Variants in LRP6 observed in about 807,000 individuals in gnomAD.
LRP6 encodes low-density lipoprotein receptor-related protein 6.
In LRP6, 43 loss-of-function variants were observed where a neutral mutation model predicts 184.1. The ratio of observed to expected loss-of-function variants is 0.23; its 90% CI spans 0.18 to 0.30. The LOEUF (loss-of-function observed/expected upper bound fraction) is 0.30. Ranked by LOEUF, LRP6 falls within the 10% of genes least tolerant of loss-of-function variation. The probability of loss-of-function intolerance (pLI) is 1.00; values close to 1 mark genes in which losing one functional copy is unlikely to be tolerated. For missense variants in LRP6, 1,571 were observed against 2,005.3 expected, an observed-to-expected ratio of 0.78 and a Z score of 4.14; for synonymous variants, 719 against 684.9, an observed-to-expected ratio of 1.05 and a Z score of -0.78.
At position 12,120,968 on chromosome 12, in the gene LRP6, G is replaced by A. The variant is rs1257354936; in HGVS notation, c.*158C>T. 3.5e-6 allele frequency: 2 copies of A among 566,950 alleles called. No homozygotes were observed. Among genetic ancestry groups the A allele is most frequent in the East Asian group, 2.9e-5 (1 of 34,588 alleles). The allele number at this position is 566,950 out of a possible 1,614,324, so 35.1% of individuals were successfully genotyped here. ...AAATATATAAATATCCTTTTCTTCT[G>A]TACAAATATCTCCAGTATTCCCTAC... is the stretch of plus-strand genomic sequence containing the variant. On this transcript the variant is annotated 3_prime_UTR_variant, in exon 23 of 23. Coordinates refer to ENST00000261349, the MANE Select transcript of LRP6 (RefSeq NM_002336.3).
chr12:12,116,290 G>A lies in LRP6; in HGVS notation c.*4836C>T, dbSNP rs764652773. On this transcript the variant is annotated 3_prime_UTR_variant, in exon 23 of 23. Coordinates refer to ENST00000261349, the MANE Select transcript of LRP6 (RefSeq NM_002336.3). ...CACCAGTTGACTTTAAGACAATGAC[G>A]AAGATTAAAGCTTAAGGGAAAAAAA... is the stretch of plus-strand genomic sequence containing the variant. The A allele has an allele frequency of 1.3e-5, 2 of 152,118 alleles. No homozygotes were observed. The highest frequency in any genetic ancestry group is 6.6e-5 in the Admixed American group (1 of 15,262). 9.4% of individuals were successfully genotyped at this position (152,118 alleles called of 1,614,324 possible). A position where few individuals can be genotyped will look rare whatever the true frequency, so the allele number is the denominator to read the frequency against.
At chr12:12,142,906 C>G (rs991962030) in intron 15 of LRP6, among the ~76,000 whole-genome samples, 4 of 151,986 alleles carry the variant, frequency 2.6e-5, no homozygotes, top group African/African-American at 9.7e-5. Context: ...TAGAAAACAA[C>G]AACAACAAAA....
At chr12:12,141,501 C>T (rs917239916) in intron 15 of LRP6, among the ~76,000 whole-genome samples, 7 of 152,098 alleles carry the variant, frequency 4.6e-5, no homozygotes, top group African/African-American at 1.7e-4. Context: ...GAATTTTAAC[C>T]TTTTATGATG....
At chr12:12,198,117 C>T (rs527670312) in intron 3 of LRP6, among the ~76,000 whole-genome samples, 55 of 152,348 alleles carry the variant, frequency 3.6e-4, no homozygotes, top group East Asian at 7.7e-4. Flanking sequence ...CAGGGTTTCA[C>T]CATGTTGGCC....
chr12:12,203,519 C>T, intron 2 of LRP6, 119 bp from the exon 3 acceptor site: 2 of 802,022 alleles, frequency 2.5e-6, no homozygotes, highest in Admixed American at 4.2e-5. Flanking sequence ...GTAATCCCAG[C>T]ACTCTGGGAG....
chr12:12,212,755 AT>A (rs916912833), intron 2 of LRP6, among the ~76,000 whole-genome samples: 2 of 152,148 alleles, frequency 1.3e-5, no homozygotes, highest in South Asian at 2.1e-4. Context: ...AGAGAATTTT[AT>A]TTTTTTTAAG....
Position 12,197,379 on chromosome 12 carries a change from C to T in LRP6, c.647+5824G>A, listed in dbSNP as rs79325698. ...GGTGGAATGGTTTTTCCCAACACCA[C>T]AATTTGGGTGCTACAGAAGTTCACT... On this transcript the variant is annotated intron_variant, in intron 3 of 22. Coordinates refer to ENST00000261349, the MANE Select transcript of LRP6 (RefSeq NM_002336.3). Among the ~76,000 whole-genome samples, 464 of 152,294 alleles carry T rather than the reference C, an allele frequency of 3.0e-3. 3 individuals are homozygous for T. Among genetic ancestry groups the T allele is most frequent in the African/African-American group, 0.011 (437 of 41,560 alleles).
intron 1 of LRP6, among the ~76,000 whole-genome samples, chr12:12,257,947 A>AT (rs1865512137): frequency 6.6e-6 from 1 of 151,254 alleles, no homozygotes; most frequent in Non-Finnish European, 1.5e-5. Flanking sequence ...CCAGCCTAGG[A>AT]AACACAGTGA....
intron 1 of LRP6, among the ~76,000 whole-genome samples, chr12:12,261,639 G>A (rs956632932): frequency 2.6e-5 from 4 of 152,028 alleles, no homozygotes; most frequent in African/African-American, 7.3e-5. Context: ...AGTTAAAACC[G>A]GTCTCTTTAC....
At chr12:12,192,760 A>G (rs1863650629) in intron 3 of LRP6, among the ~76,000 whole-genome samples, 1 of 152,074 alleles carries the variant, frequency 6.6e-6, no homozygotes, top group Non-Finnish European at 1.5e-5. Context: ...GACAGAAATC[A>G]AAGGAAAAAT....
Position 12,131,934 on chromosome 12 carries a change from G to A in LRP6, c.3857C>T (p.Pro1286Leu). ...CTGGAACTGGGACTCTGAGCATACA[G>A]GACAATTGAGTTCATCACTGTGGTC... ...CEDHSDELNC[P>L]VCSESQFQCA... The change falls in exon 18 of 23, where the codon CCT becomes CTT. Residue 1286 changes from proline to leucine, a missense_variant. Pro to Leu is a moderately conservative substitution (Grantham distance 98). Coordinates refer to ENST00000261349, the MANE Select transcript of LRP6 (RefSeq NM_002336.3). 6.2e-7 allele frequency: 1 copy of A among 1,614,168 alleles called. No homozygotes were observed. Among genetic ancestry groups the A allele is most frequent in the South Asian group, 1.1e-5 (1 of 91,072 alleles).
chr12:12,237,370 G>A (rs1020721382), intron 2 of LRP6, among the ~76,000 whole-genome samples: 4 of 152,108 alleles, frequency 2.6e-5, no homozygotes, highest in African/African-American at 9.7e-5. Context: ...AAGGAATAAT[G>A]GAACTAGAAA....
chr12:12,128,059 C>T (rs147074769), intron 19 of LRP6, among the ~76,000 whole-genome samples: 1 of 152,266 alleles, frequency 6.6e-6, no homozygotes, highest in African/African-American at 2.4e-5. Context: ...CATTCACTAC[C>T]CTCAATCCCT....
At chr12:12,132,097 A>C in intron 17 of LRP6, 40 bp from the exon 18 acceptor site, 1 of 1,317,760 alleles carries the variant, frequency 7.6e-7, no homozygotes, top group Non-Finnish European at 1.1e-6. Context: ...CAAAAACACA[A>C]TCATGGTCAC....
chr12:12,141,380 C>T (rs549183989), intron 15 of LRP6, among the ~76,000 whole-genome samples: 2 of 152,180 alleles, frequency 1.3e-5, no homozygotes, highest in Non-Finnish European at 2.9e-5. Context: ...ACACAAGATG[C>T]TCAAAGACAA....
At chr12:12,123,445 T>C (rs1458085272) in intron 22 of LRP6, among the ~76,000 whole-genome samples, 1 of 152,238 alleles carries the variant, frequency 6.6e-6, no homozygotes. Context: ...CTTTAAGTGG[T>C]TTCCACTTCA....
intron 15 of LRP6, among the ~76,000 whole-genome samples, chr12:12,140,597 T>C (rs1030028588): frequency 7.7e-6 from 1 of 129,468 alleles, no homozygotes; most frequent in Non-Finnish European, 1.6e-5. Context: ...AGCATAGATT[T>C]TAAAAATCTT....
chr12:12,203,721 T>A (rs927802551), intron 2 of LRP6, among the ~76,000 whole-genome samples: 1 of 152,060 alleles, frequency 6.6e-6, no homozygotes, highest in Non-Finnish European at 1.5e-5. Flanking sequence ...TAAGCTGAGA[T>A]TGTGCTACTG....
chr12:12,158,765 T>G (rs1450114974), intron 12 of LRP6, 64 bp downstream of exon 12: 8 of 1,517,892 alleles, frequency 5.3e-6, no homozygotes, highest in Non-Finnish European at 6.4e-6. Flanking sequence ...AAACACACAC[T>G]AAAGTACTTT....
Sources: gnomAD v4.1 joint callset for allele counts (sites outside exome capture counted in the v4.1 genomes callset) on GRCh38, gnomAD v4.1.1 for gene constraint, MANE v1.5 for transcripts, NCBI Gene and HGNC (gene_info 2026-07-23, HGNC 2026-07-21) for gene names.